Variants in CNTN4 observed in about 807,000 individuals in gnomAD.
The protein encoded by CNTN4 is contactin-4.
Under a neutral mutation model 122.5 loss-of-function variants are expected in CNTN4, and 77 were observed. That is an observed-to-expected ratio of 0.63 (90% confidence interval 0.52 to 0.76). CNTN4 has a LOEUF of 0.76. Among genes scored for constraint, CNTN4 ranks in the 30% least tolerant of loss-of-function variants. The pLI is 0.00. For missense variants in CNTN4, 1,256 were observed against 1,259.1 expected, an observed-to-expected ratio of 1.00 and a Z score of 0.04; for synonymous variants, 512 against 447.0, an observed-to-expected ratio of 1.15 and a Z score of -1.83.
intron 3 of CNTN4, among the ~76,000 whole-genome samples, chr3:2,553,656 A>G (rs2078604727): frequency 6.6e-6 from 1 of 152,094 alleles, no homozygotes; most frequent in South Asian, 2.1e-4. Context: ...TTTTTGGGGG[A>G]GATGGAAGCT....
At position 3,049,749 on chromosome 3, in the gene CNTN4, T is replaced by C. The variant is rs544224207; in HGVS notation, c.2812-4058T>C. ...GGGCCTTGGCACCTCTCTGGGAATGTCCCAAGTACTGCAAAAAAGGAAGTG... is the reference window on the plus strand; with the variant it reads ...GGGCCTTGGCACCTCTCTGGGAATGCCCCAAGTACTGCAAAAAAGGAAGTG... On this transcript the variant is annotated intron_variant, in intron 23 of 24. Transcript: ENST00000418658. Among the ~76,000 whole-genome samples the C allele has an allele frequency of 3.3e-5, 5 of 152,246 alleles. No individual in the cohort carries two copies. The South Asian group carries it at 1.0e-3, about 32-fold the overall frequency.
At chr3:2,726,626 G>A (rs1305323346) in intron 4 of CNTN4, among the ~76,000 whole-genome samples, 1 of 152,182 alleles carries the variant, frequency 6.6e-6, no homozygotes, top group Non-Finnish European at 1.5e-5. Flanking sequence ...TTTTATACAT[G>A]TATGTTTCTA....
rs143872835 is a variant in CNTN4 at position 2,546,371 on chromosome 3, G to A, written c.-88-25045G>A. ...TAATGTCCTTTGCAGCAACATGGAT[G>A]GAGCTGGAGGCCATCATCCTAATCA... On this transcript the variant is annotated intron_variant, in intron 3 of 24. Transcript: ENST00000418658. Among the ~76,000 whole-genome samples the A allele has an allele frequency of 6.7e-3, 1,022 of 151,490 alleles. 10 individuals are homozygous for A. The highest frequency in any genetic ancestry group is 0.023 in the African/African-American group (967 of 41,352).
intron 3 of CNTN4, among the ~76,000 whole-genome samples, chr3:2,497,112 A>G (rs1046705109): frequency 6.6e-6 from 1 of 152,214 alleles, no homozygotes; most frequent in Non-Finnish European, 1.5e-5. Context: ...AAAATGTTTT[A>G]CTAGCTATGT....
intron 13 of CNTN4, among the ~76,000 whole-genome samples, chr3:2,940,182 T>C (rs949820673): frequency 6.6e-6 from 1 of 152,230 alleles, no homozygotes; most frequent in Non-Finnish European, 1.5e-5. Context: ...TTCTGATTTA[T>C]GCAGAGTGTG....
chr3:2,106,430 G>T (rs2032447104), intron 2 of CNTN4, among the ~76,000 whole-genome samples: 1 of 147,024 alleles, frequency 6.8e-6, no homozygotes, highest in African/African-American at 2.4e-5. Context: ...CTAGGCAGAG[G>T]TTCCCAAACC....
chr3:2,426,574 G>T (rs2047841306), intron 3 of CNTN4, among the ~76,000 whole-genome samples: 1 of 152,132 alleles, frequency 6.6e-6, no homozygotes, highest in African/African-American at 2.4e-5. Flanking sequence ...TCAGGATGAT[G>T]CTGGCCTCAT....
intron 6 of CNTN4, among the ~76,000 whole-genome samples, chr3:2,746,562 G>A (rs1043135743): frequency 2.0e-5 from 3 of 152,218 alleles, no homozygotes; most frequent in Non-Finnish European, 2.9e-5. Context: ...ATTTCCTTGT[G>A]TGAAATCCCA....
At chr3:2,743,445 A>G (rs2089578616) in intron 5 of CNTN4, among the ~76,000 whole-genome samples, 1 of 152,178 alleles carries the variant, frequency 6.6e-6, no homozygotes, top group Admixed American at 6.5e-5. Context: ...TCTTATATAC[A>G]AACACATAAA....
chr3:2,129,510 G>C (rs1481284075), intron 2 of CNTN4, among the ~76,000 whole-genome samples: 1 of 151,942 alleles, frequency 6.6e-6, no homozygotes, highest in Non-Finnish European at 1.5e-5. Flanking sequence ...CATGCAAAGA[G>C]GGCATGTTTA....
At chr3:2,855,491 G>T (rs1246095607) in intron 7 of CNTN4, among the ~76,000 whole-genome samples, 1 of 152,192 alleles carries the variant, frequency 6.6e-6, no homozygotes, top group South Asian at 2.1e-4. Context: ...TTTTGAAAAT[G>T]TAAAGAAGTA....
intron 3 of CNTN4, among the ~76,000 whole-genome samples, chr3:2,380,975 C>G: frequency 6.6e-6 from 1 of 151,722 alleles, no homozygotes; most frequent in Admixed American, 6.6e-5. Context: ...AATTTTTAAA[C>G]CTTTCCCTTC....
At chr3:2,576,609 A>G (rs1359889980) in intron 4 of CNTN4, among the ~76,000 whole-genome samples, 1 of 147,842 alleles carries the variant, frequency 6.8e-6, no homozygotes, top group African/African-American at 2.5e-5. Flanking sequence ...GTGCAGTGGC[A>G]CGATCTTGGC....
intron 6 of CNTN4, among the ~76,000 whole-genome samples, chr3:2,779,352 A>G (rs900162011): frequency 4.6e-5 from 7 of 152,000 alleles, no homozygotes; most frequent in African/African-American, 1.7e-4. Flanking sequence ...GGTGCACACC[A>G]TGACACCTAG....
intron 2 of CNTN4, among the ~76,000 whole-genome samples, chr3:2,274,717 G>C (rs2041434451): frequency 6.6e-6 from 1 of 152,118 alleles, no homozygotes; most frequent in African/African-American, 2.4e-5. Context: ...TTTGAGGAGG[G>C]AGGAGGGAAG....
intron 2 of CNTN4, among the ~76,000 whole-genome samples, chr3:2,309,504 A>G (rs1388015136): frequency 2.6e-5 from 4 of 152,064 alleles, no homozygotes; most frequent in Non-Finnish European, 5.9e-5. Context: ...CTTGTTTTTT[A>G]TATGACTTAT....
chr3:2,124,433 A>AACAC (rs60760373), intron 2 of CNTN4, among the ~76,000 whole-genome samples: 11,719 of 123,770 alleles, frequency 0.095, 486 homozygotes, highest in Non-Finnish European at 0.11. Flanking sequence ...ATTTATTTAA[A>AACAC]ACACACACAC....
intron 3 of CNTN4, among the ~76,000 whole-genome samples, chr3:2,478,705 T>G (rs939852694): frequency 6.6e-6 from 1 of 152,224 alleles, no homozygotes; most frequent in Non-Finnish European, 1.5e-5. Flanking sequence ...GTTCCTGCGT[T>G]AGTTTGCTAA....
chr3:2,718,064 T>C (rs963805599), intron 4 of CNTN4, among the ~76,000 whole-genome samples: 3 of 152,164 alleles, frequency 2.0e-5, no homozygotes, highest in Admixed American at 6.5e-5. Context: ...AATACTAGAT[T>C]ATTATTAGAT....
Sources: allele counts gnomAD v4.1 joint callset (sites outside exome capture counted in the v4.1 genomes callset), GRCh38; gene constraint gnomAD v4.1.1; transcripts MANE v1.5; gene names NCBI Gene and HGNC (gene_info 2026-07-23, HGNC 2026-07-21).